ARHGAP24: variants seen among roughly 807,000 people sequenced by gnomAD.
ARHGAP24 encodes rho GTPase-activating protein 24.
ARHGAP24 carries 50 observed loss-of-function variants against 76.4 expected under a neutral mutation model. The ratio of observed to expected loss-of-function variants is 0.65; its 90% CI spans 0.52 to 0.83. The LOEUF (loss-of-function observed/expected upper bound fraction) is 0.83, where lower values mean the gene tolerates loss of function less well. Ranked by LOEUF, ARHGAP24 falls within the 40% of genes least tolerant of loss-of-function variation. ARHGAP24 has a pLI of 0.00. For synonymous variants in ARHGAP24, 345 were observed against 323.3 expected (o/e 1.07, Z -0.72); for missense variants, 930 against 914.2 (o/e 1.02, Z -0.22).
At chr4:85,826,229 T>C (rs1028611045) in intron 3 of ARHGAP24, among the ~76,000 whole-genome samples, 4 of 152,212 alleles carry the variant, frequency 2.6e-5, no homozygotes, top group Non-Finnish European at 2.9e-5. Flanking sequence ...ATGCATTTGT[T>C]ACTGAATAAC....
chr4:85,625,694 C>G (rs934461488), intron 2 of ARHGAP24, among the ~76,000 whole-genome samples: 35 of 152,038 alleles, frequency 2.3e-4, no homozygotes, highest in African/African-American at 6.8e-4. Context: ...CATTATTATT[C>G]TGTGGGAGTC....
intron 5 of ARHGAP24, among the ~76,000 whole-genome samples, chr4:85,961,922 T>C (rs775952733): frequency 7.9e-5 from 12 of 152,114 alleles, no homozygotes; most frequent in Non-Finnish European, 1.6e-4. Context: ...GAATGTATTA[T>C]GAAGATTACA....
At chr4:85,950,835 T>C (rs1737573034) in intron 5 of ARHGAP24, among the ~76,000 whole-genome samples, 1 of 151,990 alleles carries the variant, frequency 6.6e-6, no homozygotes, top group Admixed American at 6.6e-5. Context: ...CATACCTGGC[T>C]AATTTTTGTA....
chr4:85,670,834 A>G (rs2110001466), intron 2 of ARHGAP24, among the ~76,000 whole-genome samples: 1 of 152,272 alleles, frequency 6.6e-6, no homozygotes, highest in African/African-American at 2.4e-5. Flanking sequence ...CATGTTTAGA[A>G]TACTTCAGTG....
chr4:85,927,399 T>C (rs1736079470), intron 4 of ARHGAP24, among the ~76,000 whole-genome samples: 1 of 152,200 alleles, frequency 6.6e-6, no homozygotes. Context: ...ATGAAAATGT[T>C]CTAGAATTAA....
intron 3 of ARHGAP24, among the ~76,000 whole-genome samples, chr4:85,822,717 T>TATAC (rs1729528731): frequency 6.6e-6 from 1 of 152,234 alleles, no homozygotes; most frequent in South Asian, 2.1e-4. Context: ...AGACTATGAT[T>TATAC]ATACATTCAT....
At chr4:85,889,473 G>T (rs1733758387) in intron 3 of ARHGAP24, among the ~76,000 whole-genome samples, 1 of 152,162 alleles carries the variant, frequency 6.6e-6, no homozygotes, top group African/African-American at 2.4e-5. Context: ...CCTTTTTAGT[G>T]TAAGACCTCA....
At chr4:85,479,694 G>A (rs1383543663) in intron 1 of ARHGAP24, among the ~76,000 whole-genome samples, 1 of 152,104 alleles carries the variant, frequency 6.6e-6, no homozygotes, top group Non-Finnish European at 1.5e-5. Context: ...TCTCATTTGA[G>A]CACTGAGGCA....
intron 5 of ARHGAP24, among the ~76,000 whole-genome samples, chr4:85,971,356 A>G (rs950322402): frequency 6.6e-5 from 10 of 152,174 alleles, no homozygotes; most frequent in Non-Finnish European, 1.0e-4. Flanking sequence ...ATTACAGTAT[A>G]TTTTATTTAA....
At chr4:85,495,612 A>C (rs989934888) in intron 1 of ARHGAP24, among the ~76,000 whole-genome samples, 1 of 151,966 alleles carries the variant, frequency 6.6e-6, no homozygotes, top group African/African-American at 2.4e-5. Flanking sequence ...TCGGCCGCCC[A>C]AAGTGCTGGG....
At chr4:85,970,018 T>A (rs1043693917) in intron 5 of ARHGAP24, among the ~76,000 whole-genome samples, 1 of 152,242 alleles carries the variant, frequency 6.6e-6, no homozygotes. Flanking sequence ...TCAGATAACT[T>A]CCATCATTTT....
At chr4:85,543,964 C>T (rs542133172) in intron 1 of ARHGAP24, among the ~76,000 whole-genome samples, 15 of 152,192 alleles carry the variant, frequency 9.9e-5, no homozygotes, top group African/African-American at 3.1e-4. Flanking sequence ...TCAACTACAC[C>T]AACAGTTGAT....
chr4:85,881,859 C>T (rs1471446459), intron 3 of ARHGAP24, among the ~76,000 whole-genome samples: 2 of 152,154 alleles, frequency 1.3e-5, no homozygotes, highest in East Asian at 3.9e-4. Flanking sequence ...TGTTTAATGA[C>T]AGTGCTATGA....
chr4:85,850,165 G>A (rs1731138240), intron 3 of ARHGAP24, among the ~76,000 whole-genome samples: 1 of 152,070 alleles, frequency 6.6e-6, no homozygotes, highest in African/African-American at 2.4e-5. Context: ...CTTCTTCCTG[G>A]TTTAGACTTG....
At chr4:85,630,419 G>A (rs1482369345) in intron 2 of ARHGAP24, among the ~76,000 whole-genome samples, 3 of 152,150 alleles carry the variant, frequency 2.0e-5, no homozygotes, top group African/African-American at 7.2e-5. Context: ...GATTATTCAT[G>A]ATCCTTGTGG....
intron 3 of ARHGAP24, among the ~76,000 whole-genome samples, chr4:85,768,767 A>G (rs1247796389): frequency 1.3e-5 from 2 of 152,080 alleles, no homozygotes; most frequent in African/African-American, 4.8e-5. Flanking sequence ...ACAGAGTGAG[A>G]TTCCATCTGA....
chr4:85,895,177 A>G (rs529389568), intron 3 of ARHGAP24, among the ~76,000 whole-genome samples: 7 of 152,114 alleles, frequency 4.6e-5, no homozygotes, highest in Non-Finnish European at 1.0e-4. Context: ...GTAACCAGAA[A>G]CCACCTGTAC....
chr4:85,893,703 G>T (rs541152065), intron 3 of ARHGAP24, among the ~76,000 whole-genome samples: 1 of 146,454 alleles, frequency 6.8e-6, no homozygotes, highest in Admixed American at 6.9e-5. Flanking sequence ...CTCTCTTCTG[G>T]CTTGTAGGGT....
intron 3 of ARHGAP24, among the ~76,000 whole-genome samples, chr4:85,726,154 A>G (rs1055698176): frequency 2.0e-5 from 3 of 151,898 alleles, no homozygotes; most frequent in African/African-American, 7.3e-5. Context: ...GCTTTCTCTC[A>G]GTAAACCTGG....
Sources: allele counts gnomAD v4.1 joint callset (sites outside exome capture counted in the v4.1 genomes callset), GRCh38; gene constraint gnomAD v4.1.1; transcripts MANE v1.5; gene names NCBI Gene and HGNC (gene_info 2026-07-23, HGNC 2026-07-21).